The following SHTN1 variants were observed in gnomAD, a reference collection of about 807,000 sequenced individuals.
The protein encoded by SHTN1 is shootin 1.
In SHTN1, 42 loss-of-function variants were observed where a neutral mutation model predicts 83.1. The ratio of observed to expected loss-of-function variants is 0.51; its 90% CI spans 0.39 to 0.65. The LOEUF is 0.65. Ranked by LOEUF, SHTN1 falls within the 30% of genes least tolerant of loss-of-function variation. SHTN1 has a pLI of 0.00. For synonymous variants in SHTN1, 224 were observed against 247.7 expected, an observed-to-expected ratio of 0.90 and a Z score of 0.90; for missense variants, 622 against 737.8, an observed-to-expected ratio of 0.84 and a Z score of 1.82.
intron 1 of SHTN1, among the ~76,000 whole-genome samples, chr10:117,109,727 G>C (rs1853735841): frequency 6.6e-6 from 1 of 151,516 alleles, no homozygotes; most frequent in Non-Finnish European, 1.5e-5. Flanking sequence ...ATCATGCCTG[G>C]ATAATTTCTG....
chr10:117,003,529 A>G (rs1307669764), intron 1 of SHTN1, among the ~76,000 whole-genome samples: 1 of 151,956 alleles, frequency 6.6e-6, no homozygotes, highest in Non-Finnish European at 1.5e-5. Flanking sequence ...TTTGTTTGCC[A>G]GAGTGTGGCT....
intron 1 of SHTN1, among the ~76,000 whole-genome samples, chr10:117,100,108 T>TGGA (rs943721911): frequency 1.3e-5 from 2 of 151,744 alleles, no homozygotes; most frequent in African/African-American, 4.8e-5. Flanking sequence ...ACCTTGGAGG[T>TGGA]GGAGGTTGCG....
Position 116,986,974 on chromosome 10 carries a change from G to A in SHTN1, c.59-7666C>T, listed in dbSNP as rs985821741. Reference sequence around the variant, plus strand: ...GAATTCCTGACCTCGTGATCCACCCGCCTCGGCCTCCTAAAGTGCTGGGAT... The same window carrying A: ...GAATTCCTGACCTCGTGATCCACCCACCTCGGCCTCCTAAAGTGCTGGGAT... On this transcript the variant is annotated intron_variant, in intron 1 of 16. Coordinates refer to ENST00000355371, the MANE Select transcript of SHTN1 (RefSeq NM_001127211.3). 1.2e-4 allele frequency among the ~76,000 whole-genome samples: 18 copies of A among 152,028 alleles called. No homozygotes were observed. In the East Asian group the frequency reaches 1.7e-3, roughly 15 times the overall value.
intron 8 of SHTN1, among the ~76,000 whole-genome samples, chr10:116,941,675 A>T (rs1849377367): frequency 6.6e-6 from 1 of 152,242 alleles, no homozygotes; most frequent in African/African-American, 2.4e-5. Context: ...CCCATCATGT[A>T]ACAGAAAAAG....
chr10:117,005,625 CTG>C, upstream of SHTN1: 1 of 986,806 alleles, frequency 1.0e-6, no homozygotes, highest in East Asian at 1.1e-4. Flanking sequence ...GCAGTAGACT[CTG>C]GGGGCGCGGT....
intron 7 of SHTN1, among the ~76,000 whole-genome samples, chr10:116,945,797 C>T (rs1849553851): frequency 1.3e-5 from 2 of 152,084 alleles, no homozygotes; most frequent in Non-Finnish European, 2.9e-5. Flanking sequence ...AACAGCATGA[C>T]TCAGAATAGC....
intron 11 of SHTN1, among the ~76,000 whole-genome samples, chr10:116,927,194 A>G (rs994663618): frequency 4.6e-5 from 7 of 152,236 alleles, no homozygotes; most frequent in African/African-American, 1.7e-4. Context: ...TCAAATTTGA[A>G]TTAGCAAGAC....
chr10:117,105,021 C>A (rs952141936), intron 1 of SHTN1, among the ~76,000 whole-genome samples: 1 of 151,900 alleles, frequency 6.6e-6, no homozygotes, highest in Non-Finnish European at 1.5e-5. Context: ...ACCTCAAATG[C>A]GTACTCCTCC....
intron 1 of SHTN1, among the ~76,000 whole-genome samples, chr10:117,125,623 A>G (rs1036109280): frequency 4.0e-5 from 6 of 151,372 alleles, no homozygotes; most frequent in Non-Finnish European, 8.8e-5. Context: ...TTACACCTCT[A>G]CTCGATGTGA....
intron 2 of SHTN1, 25 bp downstream of exon 2, chr10:116,979,231 G>T: frequency 6.2e-7 from 1 of 1,602,652 alleles, no homozygotes; most frequent in Non-Finnish European, 8.5e-7. Context: ...TGTAAGAAAG[G>T]GGAAAAAAAA....
chr10:116,916,445 C>G (rs1848385097), intron 12 of SHTN1, among the ~76,000 whole-genome samples: 1 of 152,178 alleles, frequency 6.6e-6, no homozygotes, highest in African/African-American at 2.4e-5. Context: ...TTAATAGACT[C>G]TACACTGCCT....
In SHTN1 at chr10:116,882,195, G is replaced by A. The variant is rs1473524418; in HGVS notation, c.*4149C>T. 2 of 151,994 alleles carry A rather than the reference G, an allele frequency of 1.3e-5. No homozygotes were observed. The highest frequency in any genetic ancestry group is 1.9e-4 in the East Asian group (1 of 5,186). 9.4% of individuals were successfully genotyped at this position (151,994 alleles called of 1,614,324 possible). A position where few individuals can be genotyped will look rare whatever the true frequency, so the allele number is the denominator to read the frequency against. ...AATTTCATCTCACTTTCCTACCCTT[G>A]ATTCCTTTTTTCCTAATTCCCTCTC... On this transcript the variant is annotated 3_prime_UTR_variant, in exon 17 of 17. Coordinates refer to ENST00000355371, the MANE Select transcript of SHTN1 (RefSeq NM_001127211.3).
At chr10:116,904,795 G>C (rs1847894615) in intron 15 of SHTN1, among the ~76,000 whole-genome samples, 2 of 152,082 alleles carry the variant, frequency 1.3e-5, no homozygotes, top group African/African-American at 4.8e-5. Flanking sequence ...TGCACATTTT[G>C]ACCAAATTTG....
intron 1 of SHTN1, among the ~76,000 whole-genome samples, chr10:117,058,679 C>T (rs550981589): frequency 1.3e-5 from 2 of 152,260 alleles, no homozygotes; most frequent in South Asian, 4.1e-4. Context: ...GAATTAAAAG[C>T]AGGGTCTTGA....
In SHTN1 at chr10:116,994,234, G is replaced by A. The variant is rs1052755855; in HGVS notation, c.58+10788C>T. ...TGAGGAAAGGAGTGATTTTGTCTAAGTAGATGTTATTTAAAGGTTGAAAAA... is the reference window on the plus strand; with the variant it reads ...TGAGGAAAGGAGTGATTTTGTCTAAATAGATGTTATTTAAAGGTTGAAAAA... On this transcript the variant is annotated intron_variant, in intron 1 of 16. Coordinates refer to ENST00000355371, the MANE Select transcript of SHTN1 (RefSeq NM_001127211.3). Among the ~76,000 whole-genome samples the A allele has an allele frequency of 2.6e-5, 4 of 152,026 alleles. No individual in the cohort carries two copies. The South Asian group carries it at 8.3e-4, about 32-fold the overall frequency.
chr10:117,017,251 G>T (rs1852192452), intron 2 of SHTN1, among the ~76,000 whole-genome samples: 1 of 152,124 alleles, frequency 6.6e-6, no homozygotes, highest in Admixed American at 6.5e-5. Context: ...CAGCACTTTG[G>T]GAGGCCGAGG....
chr10:117,090,805 GGAAGGAAGGAAGGAAA>G (rs1853420393), intron 1 of SHTN1, among the ~76,000 whole-genome samples: 1 of 99,226 alleles, frequency 1.0e-5, no homozygotes, highest in Non-Finnish European at 2.4e-5. Context: ...AAGGAAGGAA[GGAAGGAAGGAAGGAAA>G]GGAGGGAGGG....
At chr10:117,111,730 C>T (rs1321053872) in intron 1 of SHTN1, among the ~76,000 whole-genome samples, 1 of 152,060 alleles carries the variant, frequency 6.6e-6, no homozygotes, top group African/African-American at 2.4e-5. Flanking sequence ...ATCCTATGGC[C>T]CTACACTAAA....
intron 9 of SHTN1, among the ~76,000 whole-genome samples, chr10:116,932,084 C>CT (rs978481826): frequency 6.0e-4 from 91 of 152,318 alleles, no homozygotes; most frequent in Admixed American, 3.7e-3. Context: ...GGATTTTGAT[C>CT]TTTTCCCAGG....
Sources: allele counts gnomAD v4.1 joint callset (sites outside exome capture counted in the v4.1 genomes callset), GRCh38; gene constraint gnomAD v4.1.1; transcripts MANE v1.5; gene names NCBI Gene and HGNC (gene_info 2026-07-23, HGNC 2026-07-21).